HIPK2: variants seen among roughly 807,000 people sequenced by gnomAD.
HIPK2 encodes the protein homeodomain interacting protein kinase 2.
Under a neutral mutation model 113.7 loss-of-function variants are expected in HIPK2, and 27 were observed. The observed-to-expected ratio is 0.24, with a 90% confidence interval of 0.17 to 0.33. HIPK2 has a LOEUF of 0.33. Ranked by LOEUF, HIPK2 falls within the 10% of genes least tolerant of loss-of-function variation. The pLI, the probability that HIPK2 is intolerant of heterozygous loss-of-function variation, is 1.00. For synonymous variants in HIPK2, 631 were observed against 642.2 expected, an observed-to-expected ratio of 0.98 and a Z score of 0.26; for missense variants, 1,257 against 1,588.0, an observed-to-expected ratio of 0.79 and a Z score of 3.54.
In HIPK2 at chr7:139,631,785, T is replaced by C. The variant is rs560866229; in HGVS notation, c.1104-60A>G. 1.6e-5 allele frequency: 24 copies of C among 1,541,824 alleles called. No homozygotes were observed. Among genetic ancestry groups the C allele is most frequent in the East Asian group, 9.5e-5 (4 of 42,254 alleles). On this transcript the variant is annotated intron_variant, in intron 2 of 14. Coordinates refer to ENST00000406875, the MANE Select transcript of HIPK2 (RefSeq NM_022740.5). This position sits in a 1 kb window ranked among gnomAD's most constrained non-coding sequence, Gnocchi z 4.9. The stretch of plus-strand genomic sequence containing the variant: ...TTGGAAATGCAGGAAGCTGTTTCTA[T>C]ATGAATACTATCTTTCAAACCTGGG...
intron 2 of HIPK2, among the ~76,000 whole-genome samples, chr7:139,640,552 T>C (rs1800975911): frequency 6.6e-6 from 1 of 152,250 alleles, no homozygotes; most frequent in African/African-American, 2.4e-5. Flanking sequence ...TGCAGAGGCC[T>C]GGCATAGAGT....
chr7:139,726,030 C>T (rs1031883912), intron 1 of HIPK2, among the ~76,000 whole-genome samples: 6 of 152,236 alleles, frequency 3.9e-5, no homozygotes, highest in African/African-American at 1.4e-4. Context: ...CCTGACTATA[C>T]GTCACCTGAT....
intron 13 of HIPK2, among the ~76,000 whole-genome samples, chr7:139,575,586 C>T (rs1371729693): frequency 6.6e-6 from 1 of 152,210 alleles, no homozygotes; most frequent in Non-Finnish European, 1.5e-5. Flanking sequence ...AGGCCAGGCC[C>T]AGTGCCGTTC....
chr7:139,602,716 G>A (rs1799479018), intron 10 of HIPK2, among the ~76,000 whole-genome samples: 1 of 152,144 alleles, frequency 6.6e-6, no homozygotes, highest in Admixed American at 6.5e-5. Context: ...AGCATGGGCC[G>A]ATGTGATAGT....
At position 139,604,234 on chromosome 7, in the gene HIPK2, C is replaced by T; in HGVS notation, c.2113-11G>A. The T allele has an allele frequency of 6.2e-7, 1 of 1,603,170 alleles. No homozygotes were observed. The highest frequency in any genetic ancestry group is 1.3e-5 in the African/African-American group (1 of 74,920). On this transcript the variant is annotated splice_polypyrimidine_tract_variant and intron_variant, in intron 9 of 14. Transcript: ENST00000406875. ...ACTTGGCCAAGCCTGCTGTAGAACA[C>T]AGGACATGTGCAATGACCATGTTTG...
chr7:139,702,980 G>A lies in HIPK2; in HGVS notation c.1103+12952C>T, dbSNP rs924659177. Among the ~76,000 whole-genome samples the A allele has an allele frequency of 7.9e-5, 12 of 152,130 alleles. No homozygotes were observed. In the South Asian group the frequency reaches 1.0e-3, roughly 13 times the overall value. ...CTGTTTACGCCCCAGAGTTGTTTTC[G>A]TAGGTTCCCCTGTCCGGCCGTTTCC... On this transcript the variant is annotated intron_variant, in intron 2 of 14. Transcript: ENST00000406875.
At chr7:139,761,256 GA>G (rs1404959111) in intron 1 of HIPK2, among the ~76,000 whole-genome samples, 2 of 152,196 alleles carry the variant, frequency 1.3e-5, no homozygotes, top group Non-Finnish European at 2.9e-5. Flanking sequence ...AAAACCCAAG[GA>G]AGGTATGGTT....
intron 2 of HIPK2, among the ~76,000 whole-genome samples, chr7:139,685,945 A>G (rs917013120): frequency 6.6e-6 from 1 of 152,232 alleles, no homozygotes; most frequent in Non-Finnish European, 1.5e-5. Flanking sequence ...TTTGTCTTTC[A>G]TGTCTTATTA....
chr7:139,706,708 A>G (rs756660924), intron 2 of HIPK2, among the ~76,000 whole-genome samples: 1 of 152,030 alleles, frequency 6.6e-6, no homozygotes, highest in Non-Finnish European at 1.5e-5. Flanking sequence ...GAGATCCCCA[A>G]CTCCTCGCAA....
intron 1 of HIPK2, among the ~76,000 whole-genome samples, chr7:139,760,973 T>C (rs1796452596): frequency 6.6e-6 from 1 of 152,188 alleles, no homozygotes; most frequent in Non-Finnish European, 1.5e-5. Context: ...TCTCACTGCC[T>C]AAAAGTTGTA....
At chr7:139,740,223 A>G (rs544048146) in intron 1 of HIPK2, among the ~76,000 whole-genome samples, 1 of 152,294 alleles carries the variant, frequency 6.6e-6, no homozygotes, top group South Asian at 2.1e-4. Context: ...CTTCGGTAAA[A>G]TACCAGCCTA....
chr7:139,680,266 T>C (rs890060199), intron 2 of HIPK2, among the ~76,000 whole-genome samples: 1 of 152,216 alleles, frequency 6.6e-6, no homozygotes, highest in Non-Finnish European at 1.5e-5. Context: ...GCAGGACTGT[T>C]TCCCACATGG....
chr7:139,704,498 C>G (rs1785383902), intron 2 of HIPK2, among the ~76,000 whole-genome samples: 1 of 150,752 alleles, frequency 6.6e-6, no homozygotes, highest in Non-Finnish European at 1.5e-5. Context: ...GCCCACACTA[C>G]ACCCAACACA....
chr7:139,676,227 C>T (rs748320529), intron 2 of HIPK2, among the ~76,000 whole-genome samples: 20 of 152,178 alleles, frequency 1.3e-4, no homozygotes, highest in Admixed American at 2.6e-4. Flanking sequence ...ACAAGAGTTG[C>T]CAGAGACCAC....
intron 2 of HIPK2, among the ~76,000 whole-genome samples, chr7:139,633,939 C>T (rs535759766): frequency 4.7e-4 from 68 of 143,188 alleles, no homozygotes; most frequent in African/African-American, 1.6e-3. Context: ...AGTAAGAGTC[C>T]GTCGCAAAAA....
intron 2 of HIPK2, among the ~76,000 whole-genome samples, chr7:139,715,181 T>C (rs184233367): frequency 6.6e-6 from 1 of 152,268 alleles, no homozygotes; most frequent in Admixed American, 6.5e-5. Flanking sequence ...TGGCACATAT[T>C]AAAAGTGAAA....
At chr7:139,718,029 C>G (rs931998826) in intron 1 of HIPK2, among the ~76,000 whole-genome samples, 4 of 152,162 alleles carry the variant, frequency 2.6e-5, no homozygotes, top group African/African-American at 9.7e-5. Context: ...CAGACGTGAG[C>G]CACCGTGTCT....
At position 139,777,475 on chromosome 7, in the gene HIPK2, C is replaced by A. The variant is rs530643581; in HGVS notation, c.19+130G>T. The A allele has an allele frequency of 3.1e-3, 679 of 216,306 alleles. 5 individuals carry two copies. Among genetic ancestry groups the A allele is most frequent in the African/African-American group, 0.015 (633 of 42,346 alleles). The allele number at this position is 216,306 out of a possible 1,614,324, so 13.4% of individuals were successfully genotyped here. On this transcript the variant is annotated intron_variant, in intron 1 of 14. Coordinates refer to ENST00000406875, the MANE Select transcript of HIPK2 (RefSeq NM_022740.5). The stretch of plus-strand genomic sequence containing the variant: ...TTCCGGGCGAGGGAGGGGGTCGCGG[C>A]CCCCTCGGGCCCCGGGTGGGGGCTG...
At chr7:139,597,090 C>A in intron 11 of HIPK2, 92 bp from the exon 12 acceptor site, 1 of 1,386,412 alleles carries the variant, frequency 7.2e-7, no homozygotes, top group Admixed American at 2.2e-5. Flanking sequence ...ACCTGCTTTG[C>A]CAAATCTCTG....
Sources: allele counts gnomAD v4.1 joint callset (sites outside exome capture counted in the v4.1 genomes callset), GRCh38; gene constraint gnomAD v4.1.1; non-coding constraint Gnocchi (gnomAD v3.1); transcripts MANE v1.5; gene names NCBI Gene and HGNC (gene_info 2026-07-23, HGNC 2026-07-21).